NBEA: variants seen among roughly 807,000 people sequenced by gnomAD.
NBEA encodes lysosomal-trafficking regulator 2.
In NBEA, 44 loss-of-function variants were observed where a neutral mutation model predicts 343.4. The ratio of observed to expected loss-of-function variants is 0.13; its 90% CI spans 0.10 to 0.16. The LOEUF (loss-of-function observed/expected upper bound fraction) is 0.16. Ranked by LOEUF, NBEA falls within the 10% of genes least tolerant of loss-of-function variation. The probability of loss-of-function intolerance (pLI) is 1.00; values close to 1 mark genes in which losing one functional copy is unlikely to be tolerated. For synonymous variants in NBEA, 1,175 were observed against 1,238.7 expected, an observed-to-expected ratio of 0.95 and a Z score of 1.08; for missense variants, 2,555 against 3,631.3, an observed-to-expected ratio of 0.70 and a Z score of 7.62.
intron 41 of NBEA, among the ~76,000 whole-genome samples, chr13:35,536,142 C>G (rs1045897812): frequency 4.6e-5 from 7 of 152,106 alleles, no homozygotes; most frequent in Non-Finnish European, 8.8e-5. Context: ...TTCACAAACT[C>G]GGAACCCATA....
At chr13:35,317,901 T>C (rs2037856953) in intron 36 of NBEA, among the ~76,000 whole-genome samples, 1 of 152,194 alleles carries the variant, frequency 6.6e-6, no homozygotes, top group African/African-American at 2.4e-5. Context: ...GCTCTCTGTT[T>C]GTCTATTACT....
intron 34 of NBEA, among the ~76,000 whole-genome samples, chr13:35,263,172 TATA>T (rs2033360608): frequency 6.6e-6 from 1 of 152,176 alleles, no homozygotes; most frequent in South Asian, 2.1e-4. Context: ...AAGTCTCCTA[TATA>T]CAGTCAAATT....
intron 35 of NBEA, among the ~76,000 whole-genome samples, chr13:35,308,941 A>G (rs2037174813): frequency 6.6e-6 from 1 of 151,696 alleles, no homozygotes; most frequent in Non-Finnish European, 1.5e-5. Context: ...ATAGTTATCT[A>G]TTACATATTT....
chr13:35,194,916 A>G (rs1489979885), intron 30 of NBEA, among the ~76,000 whole-genome samples: 2 of 152,070 alleles, frequency 1.3e-5, no homozygotes, highest in Non-Finnish European at 2.9e-5. Flanking sequence ...TGAAATTTAT[A>G]TTTATTTACA....
intron 17 of NBEA, among the ~76,000 whole-genome samples, chr13:35,132,771 A>G (rs531959200): frequency 6.6e-6 from 1 of 152,328 alleles, no homozygotes; most frequent in East Asian, 1.9e-4. Context: ...ACTGTTGAGG[A>G]TGATAAAAAT....
chr13:35,050,673 A>C (rs565893724), intron 6 of NBEA, among the ~76,000 whole-genome samples: 28 of 152,082 alleles, frequency 1.8e-4, no homozygotes, highest in Middle Eastern at 3.4e-3. Context: ...TTATCTACTG[A>C]GTATTGGATA....
chr13:35,139,573 C>T (rs746448488), intron 17 of NBEA, among the ~76,000 whole-genome samples: 1 of 151,940 alleles, frequency 6.6e-6, no homozygotes, highest in Admixed American at 6.6e-5. Flanking sequence ...AAACTGAGGT[C>T]TCTAGATCTT....
At chr13:35,096,722 A>G (rs993060134) in intron 10 of NBEA, among the ~76,000 whole-genome samples, 9 of 151,868 alleles carry the variant, frequency 5.9e-5, no homozygotes, top group African/African-American at 2.2e-4. Context: ...AGTTTTCTTT[A>G]TTCTTTTTAA....
chr13:35,263,285 C>A (rs1290521807), intron 34 of NBEA, among the ~76,000 whole-genome samples: 1 of 151,088 alleles, frequency 6.6e-6, no homozygotes, highest in Non-Finnish European at 1.5e-5. Context: ...TAGCTGGACC[C>A]TTCACTAACA....
intron 30 of NBEA, among the ~76,000 whole-genome samples, chr13:35,195,516 A>G (rs2072521310): frequency 6.6e-6 from 1 of 151,994 alleles, no homozygotes; most frequent in African/African-American, 2.4e-5. Context: ...CTCCTGCCTC[A>G]GCCTCCCGAG....
intron 39 of NBEA, among the ~76,000 whole-genome samples, chr13:35,442,576 A>T (rs1203815497): frequency 6.6e-6 from 1 of 152,156 alleles, no homozygotes; most frequent in Non-Finnish European, 1.5e-5. Flanking sequence ...TTAACATTTC[A>T]TACTTATATA....
At chr13:35,218,578 C>G (rs1468420819) in intron 33 of NBEA, among the ~76,000 whole-genome samples, 6 of 151,856 alleles carry the variant, frequency 4.0e-5, no homozygotes, top group Non-Finnish European at 1.5e-5. Context: ...TTTTTAAATT[C>G]TTCATCTCAG....
intron 11 of NBEA, among the ~76,000 whole-genome samples, chr13:35,103,553 T>C (rs957776899): frequency 1.3e-5 from 2 of 151,786 alleles, no homozygotes; most frequent in Admixed American, 6.6e-5. Context: ...TAATTGAGAT[T>C]ATCCACTTCT....
intron 41 of NBEA, among the ~76,000 whole-genome samples, chr13:35,501,809 G>A (rs9544467): frequency 0.63 from 95,956 of 151,840 alleles, 30,547 homozygotes; most frequent in Admixed American, 0.7. Context: ...GACTCCTCCT[G>A]CAACTGCAAA....
chr13:35,280,664 TA>T (rs1478534145), intron 34 of NBEA, among the ~76,000 whole-genome samples: 1 of 152,122 alleles, frequency 6.6e-6, no homozygotes, highest in African/African-American at 2.4e-5. Flanking sequence ...AGATGGAACA[TA>T]ACTGTTTTAT....
intron 35 of NBEA, among the ~76,000 whole-genome samples, chr13:35,308,498 GTGTATA>G (rs1241308092): frequency 1.1e-5 from 1 of 87,222 alleles, no homozygotes; most frequent in South Asian, 3.8e-4. Flanking sequence ...GTATATATAT[GTGTATA>G]TATATATGTG....
chr13:35,308,405 G>A (rs2037043326), intron 35 of NBEA, among the ~76,000 whole-genome samples: 1 of 138,720 alleles, frequency 7.2e-6, no homozygotes, highest in Admixed American at 7.6e-5. Context: ...CATTGGAAGG[G>A]ATATAATTTT....
At chr13:35,283,501 TTAA>T (rs1200083430) in intron 34 of NBEA, among the ~76,000 whole-genome samples, 2 of 152,130 alleles carry the variant, frequency 1.3e-5, no homozygotes, top group Non-Finnish European at 2.9e-5. Context: ...GCAATTAAAA[TTAA>T]TAATATTAAT....
At chr13:35,139,743 C>CATTTTTTTTTTTTT (rs1566350012) in intron 17 of NBEA, among the ~76,000 whole-genome samples, 2 of 55,144 alleles carry the variant, frequency 3.6e-5, no homozygotes. Context: ...TGATGGATGG[C>CATTTTTTTTTTTTT]GTTTTTTTTT....
Sources: allele counts gnomAD v4.1 joint callset (sites outside exome capture counted in the v4.1 genomes callset), GRCh38; gene constraint gnomAD v4.1.1; transcripts MANE v1.5; gene names NCBI Gene and HGNC (gene_info 2026-07-23, HGNC 2026-07-21).